Variants in COBLL1 observed in about 807,000 individuals in gnomAD.
COBLL1 encodes the protein cordon-bleu protein-like 1.
A neutral mutation model predicts 94.8 loss-of-function variants in COBLL1; 50 were observed. The ratio of observed to expected loss-of-function variants is 0.53; its 90% confidence interval spans 0.42 to 0.67. The LOEUF is 0.67. Ranked by LOEUF, COBLL1 falls within the 30% of genes least tolerant of loss-of-function variation. The probability of loss-of-function intolerance (pLI) is 0.00; values close to 1 mark genes in which losing one functional copy is unlikely to be tolerated. For missense variants in COBLL1, 1,362 were observed against 1,348.7 expected, an observed-to-expected ratio of 1.01 and a Z score of -0.15; for synonymous variants, 448 against 473.8, an observed-to-expected ratio of 0.95 and a Z score of 0.71.
At chr2:164,726,351 T>C (rs1276125202) in intron 5 of COBLL1, among the ~76,000 whole-genome samples, 1 of 152,162 alleles carries the variant, frequency 6.6e-6, no homozygotes, top group Non-Finnish European at 1.5e-5. Flanking sequence ...CTTGTTTTTT[T>C]AGTAGGCTGG....
At chr2:164,831,981 T>C (rs749700337) in intron 2 of COBLL1, among the ~76,000 whole-genome samples, 3 of 152,180 alleles carry the variant, frequency 2.0e-5, no homozygotes, top group Non-Finnish European at 4.4e-5. Context: ...AATGGTAGGA[T>C]AGTAGTCATT....
intron 3 of COBLL1, among the ~76,000 whole-genome samples, chr2:164,734,301 A>C (rs938173997): frequency 6.6e-6 from 1 of 152,178 alleles, no homozygotes; most frequent in African/African-American, 2.4e-5. Flanking sequence ...GGACTGGGAT[A>C]TCTGCGGAAA....
intron 2 of COBLL1, among the ~76,000 whole-genome samples, chr2:164,754,710 T>C (rs925306735): frequency 6.6e-6 from 1 of 152,244 alleles, no homozygotes; most frequent in South Asian, 2.1e-4. Flanking sequence ...CACATCGTCT[T>C]TGCAATCCAA....
At chr2:164,755,038 A>C (rs969487932) in intron 2 of COBLL1, among the ~76,000 whole-genome samples, 2 of 152,028 alleles carry the variant, frequency 1.3e-5, no homozygotes, top group Admixed American at 1.3e-4. Flanking sequence ...GCTGATATGC[A>C]CCTCTAGTCT....
At chr2:164,667,265 T>G (rs1361770986) in intron 1 of COBLL1, among the ~76,000 whole-genome samples, 1 of 152,182 alleles carries the variant, frequency 6.6e-6, no homozygotes, top group African/African-American at 2.4e-5. Context: ...AGAGGTGCTG[T>G]CATCCATGCT....
At chr2:164,754,107 C>G (rs540338491) in intron 2 of COBLL1, among the ~76,000 whole-genome samples, 1 of 152,148 alleles carries the variant, frequency 6.6e-6, no homozygotes, top group Admixed American at 6.5e-5. Context: ...AATATAACAT[C>G]TGAGTTGAGA....
At chr2:164,678,960 T>A (rs115675588), downstream of COBLL1, among the ~76,000 whole-genome samples, 1,975 of 152,234 alleles carry the variant, frequency 0.013, 18 homozygotes, top group Non-Finnish European at 0.017. Flanking sequence ...ATGCAGACTG[T>A]TAATAAAACT....
chr2:164,772,806 C>T (rs887393374), intron 2 of COBLL1, among the ~76,000 whole-genome samples: 3 of 152,004 alleles, frequency 2.0e-5, no homozygotes, highest in Non-Finnish European at 2.9e-5. Flanking sequence ...ATGAAGTTAA[C>T]GCAGTCCTTA....
chr2:164,789,765 TTC>T (rs375051109), intron 2 of COBLL1, among the ~76,000 whole-genome samples: 16 of 152,312 alleles, frequency 1.1e-4, no homozygotes, highest in African/African-American at 3.8e-4. Context: ...ATTGCAGACA[TTC>T]TCTCTGCTGT....
At chr2:164,822,708 T>C (rs577875824) in intron 2 of COBLL1, among the ~76,000 whole-genome samples, 1 of 149,944 alleles carries the variant, frequency 6.7e-6, no homozygotes, top group East Asian at 1.9e-4. Flanking sequence ...TCCACAGTCA[T>C]GTAAGCTCTC....
Position 164,686,049 on chromosome 2 carries a change from C to T in COBLL1, c.3301-17G>A, listed in dbSNP as rs777340163. On this transcript the variant is annotated splice_polypyrimidine_tract_variant and intron_variant, in intron 13 of 13. Transcript: ENST00000652658. The stretch of plus-strand genomic sequence containing the variant: ...AATGGTAACCTAAGAGAAAGAAACA[C>T]ACTTTGCACCCATCAATTTAAAATG... The T allele has an allele frequency of 4.9e-6, 7 of 1,432,334 alleles. No homozygotes were observed. The South Asian group carries it at 7.3e-5, about 15-fold the overall frequency. The allele number at this position is 1,432,334 out of a possible 1,614,324, so 88.7% of individuals were successfully genotyped here.
At chr2:164,818,547 G>GTGTACATATGTACATATATAGCATATA (rs902062501) in intron 2 of COBLL1, among the ~76,000 whole-genome samples, 1 of 146,752 alleles carries the variant, frequency 6.8e-6, no homozygotes. Flanking sequence ...TTACATATAT[G>GTGTACATATGTACATATATAGCATATA]TGTACATATG....
chr2:164,687,594 C>G (rs1175141804), intron 13 of COBLL1: 3 of 1,165,454 alleles, frequency 2.6e-6, no homozygotes, highest in Admixed American at 1.7e-5. Context: ...CTGTTTGAAG[C>G]CTACATTGGG....
At chr2:164,781,936 T>G (rs1490271017) in intron 2 of COBLL1, among the ~76,000 whole-genome samples, 2 of 152,178 alleles carry the variant, frequency 1.3e-5, no homozygotes, top group African/African-American at 2.4e-5. Flanking sequence ...ATTATCAATG[T>G]GTTGTTGAAT....
At chr2:164,797,977 G>T (rs1423592196) in intron 2 of COBLL1, among the ~76,000 whole-genome samples, 2 of 152,140 alleles carry the variant, frequency 1.3e-5, no homozygotes, top group Admixed American at 6.6e-5. Context: ...ACATTGAAAA[G>T]ATCAATTATT....
intron 2 of COBLL1, among the ~76,000 whole-genome samples, chr2:164,837,784 T>A (rs933331217): frequency 3.9e-5 from 6 of 152,216 alleles, no homozygotes; most frequent in Non-Finnish European, 5.9e-5. Flanking sequence ...TGTGACTCAA[T>A]GTCTTTTGAT....
intron 3 of COBLL1, among the ~76,000 whole-genome samples, chr2:164,737,865 C>T (rs1686394149): frequency 6.6e-6 from 1 of 152,106 alleles, no homozygotes; most frequent in Non-Finnish European, 1.5e-5. Context: ...AAACCGCGGG[C>T]TTAGGCTCAA....
In COBLL1 at chr2:164,704,482, G is replaced by A. The variant is rs147767790; in HGVS notation, c.1187C>T (p.Ala396Val). The A allele has an allele frequency of 2.7e-5, 43 of 1,613,562 alleles. No individual in the cohort carries two copies. The highest frequency in any genetic ancestry group is 3.6e-5 in the Non-Finnish European group (42 of 1,179,606). ...CTCCTCAGGAGAGTTTGCTTCTGAA[G>A]CACTGTCTGGAGGAACTCCATCTAC... ...QPVDGVPPDS[A>V]SEANSPEELS... The change falls in exon 9 of 14, where the codon GCT becomes GTT. Residue 396 changes from alanine to valine, a missense_variant. Physicochemically the swap from Ala to Val is moderately conservative, Grantham distance 64 (BLOSUM62 0). Coordinates refer to ENST00000652658, the MANE Select transcript of COBLL1 (RefSeq NM_001365672.2).
At chr2:164,782,842 CA>C (rs1688780674) in intron 2 of COBLL1, among the ~76,000 whole-genome samples, 1 of 152,066 alleles carries the variant, frequency 6.6e-6, no homozygotes, top group African/African-American at 2.4e-5. Flanking sequence ...AAAAGTTTAA[CA>C]TTCAAAATAA....
Sources: gnomAD v4.1 joint callset for allele counts (sites outside exome capture counted in the v4.1 genomes callset) on GRCh38, gnomAD v4.1.1 for gene constraint, MANE v1.5 for transcripts, NCBI Gene and HGNC (gene_info 2026-07-23, HGNC 2026-07-21) for gene names.